ABCD3: variants seen among roughly 807,000 people sequenced by gnomAD.
The protein encoded by ABCD3 is ATP-binding cassette sub-family D member 3.
Under a neutral mutation model 105.5 loss-of-function variants are expected in ABCD3, and 41 were observed. The observed-to-expected ratio is 0.39, with a 90% confidence interval of 0.30 to 0.50. The LOEUF (loss-of-function observed/expected upper bound fraction) is 0.50, where lower values mean the gene tolerates loss of function less well. ABCD3 is among the 20% of genes least tolerant of loss of function. ABCD3 has a pLI of 0.84. For missense variants in ABCD3, 622 were observed against 806.3 expected (o/e 0.77, Z 2.77); for synonymous variants, 258 against 269.0 (o/e 0.96, Z 0.40).
At chr1:94,464,705 A>T in intron 2 of ABCD3, 70 bp from the exon 3 acceptor site, 1 of 1,351,444 alleles carries the variant, frequency 7.4e-7, no homozygotes, top group East Asian at 2.3e-5. Context: ...ACTTAGATGA[A>T]ACATGGTTCT....
the ABCD3 span, chr1:94,406,339 TG>T: frequency 0.016 from 3,127 of 196,936 alleles, 146 homozygotes; most frequent in South Asian, 0.044. Flanking sequence ...TATTTTGTTT[TG>T]TTTTTTTTTT....
At chr1:94,398,652 G>A in the ABCD3 span, among the ~76,000 whole-genome samples, 30 of 152,252 alleles carry the variant, frequency 2.0e-4, no homozygotes, top group East Asian at 9.6e-4. Context: ...AGTGGCTCAC[G>A]CCTGTAATCC....
chr1:94,493,661 C>T (rs1437938171), intron 16 of ABCD3, among the ~76,000 whole-genome samples: 4 of 151,906 alleles, frequency 2.6e-5, no homozygotes, highest in Non-Finnish European at 4.4e-5. Context: ...TATTGCGGCA[C>T]TATTCACAAT....
the ABCD3 span, among the ~76,000 whole-genome samples, chr1:94,394,035 A>G: frequency 1.9e-3 from 286 of 152,322 alleles, 3 homozygotes; most frequent in African/African-American, 6.4e-3. Context: ...TTTCTTTGTG[A>G]TAGAAGATGC....
intron 4 of ABCD3, among the ~76,000 whole-genome samples, chr1:94,468,495 C>G (rs1648271143): frequency 6.6e-6 from 1 of 152,098 alleles, no homozygotes; most frequent in Non-Finnish European, 1.5e-5. Context: ...TATAGTCTTT[C>G]TACATATTAT....
intron 1 of ABCD3, among the ~76,000 whole-genome samples, chr1:94,419,832 A>T (rs958934142): frequency 7.9e-5 from 12 of 152,230 alleles, no homozygotes; most frequent in African/African-American, 2.9e-4. Context: ...TAGTCTGGGC[A>T]ATAACAGCGC....
intron 16 of ABCD3, among the ~76,000 whole-genome samples, chr1:94,491,489 T>C (rs1335955092): frequency 2.0e-5 from 3 of 152,102 alleles, no homozygotes; most frequent in Non-Finnish European, 4.4e-5. Context: ...AAGAAAGTCA[T>C]AGAAAATATA....
At chr1:94,420,410 C>T (rs1282861361) in intron 1 of ABCD3, among the ~76,000 whole-genome samples, 1 of 152,258 alleles carries the variant, frequency 6.6e-6, no homozygotes, top group Middle Eastern at 3.4e-3. Flanking sequence ...ATAATTTTAG[C>T]TCCTCATTTG....
intron 1 of ABCD3, among the ~76,000 whole-genome samples, chr1:94,446,148 A>G (rs1660338471): frequency 6.6e-6 from 1 of 152,266 alleles, no homozygotes; most frequent in Admixed American, 6.5e-5. Context: ...ACATTGGGCT[A>G]ATTGGTGTCA....
intron 1 of ABCD3, chr1:94,455,663 G>A: frequency 2.3e-6 from 1 of 431,980 alleles, no homozygotes; most frequent in Non-Finnish European, 4.5e-6. Context: ...AAGAAAATAG[G>A]ACTTATATGT....
At chr1:94,440,459 T>C (rs568417727) in intron 1 of ABCD3, among the ~76,000 whole-genome samples, 17 of 152,160 alleles carry the variant, frequency 1.1e-4, no homozygotes, top group Admixed American at 7.2e-4. Flanking sequence ...CTTTAACTGG[T>C]TAATTTTGAG....
chr1:94,498,076 T>G (rs1649904559), intron 16 of ABCD3, among the ~76,000 whole-genome samples: 1 of 152,068 alleles, frequency 6.6e-6, no homozygotes, highest in Non-Finnish European at 1.5e-5. Flanking sequence ...GTCAGTAAAT[T>G]TATTTATTTA....
Position 94,487,598 on chromosome 1 carries a change from T to G in ABCD3, c.954T>G (p.Ser318Arg). The G allele has an allele frequency of 6.2e-7, 1 of 1,613,574 alleles. No homozygotes were observed. Among genetic ancestry groups the G allele is most frequent in the Non-Finnish European group, 8.5e-7 (1 of 1,179,560 alleles). Residue 318 changes from serine to arginine, a missense_variant, in exon 11 of 23, where the codon AGT becomes AGG. Physicochemically the swap from Ser to Arg is moderately radical, Grantham distance 110 (BLOSUM62 -1). This residue lies in a region of ABCD3 where 245 missense variants were observed against 356.4 expected (regional missense o/e 0.69). Transcript: ENST00000370214. ...LFRFSMGFID[S>R]IIAKYLATVV... ...GGTTTTCAATGGGCTTCATTGATAG[T>G]ATTATTGCCAAATGTAAGTATATTT... is the stretch of plus-strand genomic sequence containing the variant.
chr1:94,509,977 G>A (rs1650580007), intron 21 of ABCD3, among the ~76,000 whole-genome samples: 2 of 152,122 alleles, frequency 1.3e-5, no homozygotes, highest in South Asian at 4.2e-4. Flanking sequence ...GGCTTTTTAT[G>A]TCTCTATTTC....
At chr1:94,486,237 A>G (rs1649274305) in intron 10 of ABCD3, among the ~76,000 whole-genome samples, 1 of 152,126 alleles carries the variant, frequency 6.6e-6, no homozygotes, top group Non-Finnish European at 1.5e-5. Flanking sequence ...GGTATATGCA[A>G]ATACTATGCC....
chr1:94,466,117 G>A (rs1648121122), intron 3 of ABCD3, among the ~76,000 whole-genome samples: 1 of 152,088 alleles, frequency 6.6e-6, no homozygotes, highest in Admixed American at 6.6e-5. Context: ...GGTAATACAT[G>A]TTCCTTGAAG....
chr1:94,400,545 C>A, the ABCD3 span, among the ~76,000 whole-genome samples: 1 of 152,138 alleles, frequency 6.6e-6, no homozygotes, highest in Non-Finnish European at 1.5e-5. Flanking sequence ...CCCCTCTAGA[C>A]CAGTGTGGCA....
chr1:94,416,003 T>G (rs1024343743), upstream of ABCD3, among the ~76,000 whole-genome samples: 1 of 152,242 alleles, frequency 6.6e-6, no homozygotes, highest in East Asian at 1.9e-4. Context: ...CTCGAATAAC[T>G]AGTGTAATTT....
chr1:94,490,523 G>A lies in ABCD3; in HGVS notation c.1322+548G>A, dbSNP rs56342357. ...TTTTGTGTCTTGCTTATTTTGCTTA[G>A]CATAATGTCCTCCAGATCCATCTAT... is the stretch of plus-strand genomic sequence containing the variant. On this transcript the variant is annotated intron_variant, in intron 15 of 22. Transcript: ENST00000370214. Among the ~76,000 whole-genome samples, 692 of 152,018 alleles carry A rather than the reference G, an allele frequency of 4.6e-3. 7 individuals are homozygous for A. Among genetic ancestry groups the A allele is most frequent in the Admixed American group, 0.01 (155 of 15,248 alleles).
Sources: gnomAD v4.1 joint callset for allele counts (sites outside exome capture counted in the v4.1 genomes callset) on GRCh38, gnomAD v4.1.1 for gene constraint, gnomAD v4.1.1 regional missense constraint, MANE v1.5 for transcripts, NCBI Gene and HGNC (gene_info 2026-07-23, HGNC 2026-07-21) for gene names.